The following FOXO3 variants were observed in gnomAD, a reference collection of about 807,000 sequenced individuals.
FOXO3 encodes the protein forkhead box O3.
FOXO3 carries 4 observed loss-of-function variants against 41.9 expected under a neutral mutation model. The ratio of observed to expected loss-of-function variants is 0.10; its 90% CI spans 0.05 to 0.22. The LOEUF (loss-of-function observed/expected upper bound fraction) is 0.22. FOXO3 is among the 10% of genes least tolerant of loss of function. FOXO3 has a pLI of 1.00. For missense variants in FOXO3, 534 were observed against 906.8 expected (o/e 0.59, Z 5.28); for synonymous variants, 318 against 389.3 (o/e 0.82, Z 2.16).
At chr6:108,573,442 CTG>C (rs1365130262) in intron 1 of FOXO3, among the ~76,000 whole-genome samples, 1 of 152,214 alleles carries the variant, frequency 6.6e-6, no homozygotes, top group African/African-American at 2.4e-5. Context: ...TGTGCTGACT[CTG>C]AGTAACAGCA....
intron 1 of FOXO3, among the ~76,000 whole-genome samples, chr6:108,600,546 C>CAAA (rs56888212): frequency 2.3e-4 from 11 of 47,744 alleles, no homozygotes; most frequent in African/African-American, 4.3e-4. Flanking sequence ...GTCTCCATCT[C>CAAA]AAAAAAAAAA....
chr6:108,561,807 G>A lies in FOXO3; in HGVS notation c.599G>A (p.Ser200Asn). 2 of 1,588,996 alleles carry A rather than the reference G, an allele frequency of 1.3e-6. No homozygotes were observed. Among genetic ancestry groups the A allele is most frequent in the Non-Finnish European group, 1.7e-6 (2 of 1,168,626 alleles). Residue 200 changes from serine (S) to asparagine (N), a missense_variant, in exon 1 of 3, where the codon AGC (serine) becomes AAC (asparagine). Ser to Asn is a conservative substitution (Grantham distance 46). Coordinates refer to ENST00000406360, the MANE Select transcript of FOXO3 (RefSeq NM_001455.4). The part of the protein sequence containing the change: ...CVPYFKDKGD[S>N]NSSAGWKNSI... ...CCCTACTTCAAGGATAAGGGCGACAGCAACAGCTCTGCCGGCTGGAAGGTG... is the reference window on the plus strand; with the variant it reads ...CCCTACTTCAAGGATAAGGGCGACAACAACAGCTCTGCCGGCTGGAAGGTG...
rs149778389 is a variant in FOXO3 at position 108,601,265 on chromosome 6, G to A, written c.621+39436G>A. On this transcript the variant is annotated intron_variant, in intron 1 of 2. Coordinates refer to ENST00000406360, the MANE Select transcript of FOXO3 (RefSeq NM_001455.4). ...CTGACCTTGTGATCCACCCACCTCG[G>A]CCTCCCAAGGTGTCCTAGTGCTTTT... Among the ~76,000 whole-genome samples the A allele has an allele frequency of 5.9e-3, 903 of 151,800 alleles. 3 individuals carry two copies. The highest frequency in any genetic ancestry group is 0.014 in the Middle Eastern group (4 of 294).
chr6:108,642,101 T>G (rs1778276360), intron 1 of FOXO3, among the ~76,000 whole-genome samples: 1 of 151,270 alleles, frequency 6.6e-6, no homozygotes, highest in African/African-American at 2.4e-5. Flanking sequence ...TTTTTTTTTT[T>G]TTTTTGAGAC....
At chr6:108,627,931 A>C (rs777793532) in intron 1 of FOXO3, among the ~76,000 whole-genome samples, 5 of 152,152 alleles carry the variant, frequency 3.3e-5, no homozygotes, top group Non-Finnish European at 5.9e-5. Context: ...GAATTAAATG[A>C]GTCAGTATAT....
At chr6:108,630,596 T>C (rs1480827658) in intron 1 of FOXO3, among the ~76,000 whole-genome samples, 1 of 152,166 alleles carries the variant, frequency 6.6e-6, no homozygotes, top group Admixed American at 6.6e-5. Context: ...AAGCTTTGCC[T>C]ATCCTTTTAT....
rs1472709046 is a variant in FOXO3, at chr6:108,681,991, A to T, written c.*2199A>T. ...TAGTAGCATGGGGGCTAGAGTGGGG[A>T]GCGAGATGTAAAAGGGTGGGGGGAT... On this transcript the variant is annotated 3_prime_UTR_variant, in exon 3 of 3. Transcript: ENST00000406360. 1 of 152,046 alleles carries T rather than the reference A, an allele frequency of 6.6e-6. No homozygotes were observed. The highest frequency in any genetic ancestry group is 1.9e-4 in the East Asian group (1 of 5,172). 9.4% of individuals were successfully genotyped at this position (152,046 alleles called of 1,614,324 possible).
intron 2 of FOXO3, among the ~76,000 whole-genome samples, chr6:108,667,145 T>C (rs889050255): frequency 2.6e-5 from 4 of 152,150 alleles, no homozygotes; most frequent in African/African-American, 4.8e-5. Flanking sequence ...AACTCAGATA[T>C]CTGATTTCAG....
intron 1 of FOXO3, among the ~76,000 whole-genome samples, chr6:108,643,274 C>T (rs1190976087): frequency 6.6e-6 from 1 of 152,138 alleles, no homozygotes; most frequent in African/African-American, 2.4e-5. Flanking sequence ...TGCCCATGCC[C>T]AGTTTGACCT....
intron 1 of FOXO3, among the ~76,000 whole-genome samples, chr6:108,607,463 A>AG (rs891682393): frequency 4.6e-5 from 7 of 151,846 alleles, no homozygotes; most frequent in South Asian, 2.1e-4. Context: ...AAAAAAAAAA[A>AG]AAGAAGAAGG....
At chr6:108,656,916 G>T (rs941503035) in intron 1 of FOXO3, among the ~76,000 whole-genome samples, 1 of 152,198 alleles carries the variant, frequency 6.6e-6, no homozygotes, top group African/African-American at 2.4e-5. Flanking sequence ...ATTCTGCTAG[G>T]TGCAGTCATC....
intron 1 of FOXO3, among the ~76,000 whole-genome samples, chr6:108,613,728 A>G (rs2128370177): frequency 6.6e-6 from 1 of 150,716 alleles, no homozygotes; most frequent in Non-Finnish European, 1.5e-5. Flanking sequence ...TTTTACTTCC[A>G]TTGATTTTTT....
chr6:108,672,749 C>G (rs1779251638), intron 2 of FOXO3, among the ~76,000 whole-genome samples: 1 of 152,176 alleles, frequency 6.6e-6, no homozygotes, highest in Admixed American at 6.5e-5. Flanking sequence ...CTCTTCCTCT[C>G]TCATCCTCTT....
In FOXO3 at chr6:108,680,246, T is replaced by C. The variant is rs1472407266; in HGVS notation, c.*454T>C. The stretch of plus-strand genomic sequence containing the variant: ...AACTTGCGGTATTTTTCTGTTAAAA[T>C]GTTAACCGTCCTTCCCCTAGCAAAT... On this transcript the variant is annotated 3_prime_UTR_variant, in exon 3 of 3. Coordinates refer to ENST00000406360, the MANE Select transcript of FOXO3 (RefSeq NM_001455.4). 2.6e-5 allele frequency: 4 copies of C among 152,658 alleles called. No homozygotes were observed. The highest frequency in any genetic ancestry group is 4.8e-5 in the African/African-American group (2 of 41,454). 9.5% of individuals were successfully genotyped at this position (152,658 alleles called of 1,614,324 possible).
rs1366532669 is a variant in FOXO3 at position 108,683,751 on chromosome 6, A to C, written c.*3959A>C. ...AAAAAGGAAACCCTAACAGCTCTGA[A>C]CTCTGGTTTTATTTTTCTTGCTGTA... is the stretch of plus-strand genomic sequence containing the variant. On this transcript the variant is annotated 3_prime_UTR_variant, in exon 3 of 3. Coordinates refer to ENST00000406360, the MANE Select transcript of FOXO3 (RefSeq NM_001455.4). 2 of 151,998 alleles carry C rather than the reference A, an allele frequency of 1.3e-5. No individual in the cohort carries two copies. The highest frequency in any genetic ancestry group is 4.8e-5 in the African/African-American group (2 of 41,398). 9.4% of individuals were successfully genotyped at this position (151,998 alleles called of 1,614,324 possible).
At chr6:108,607,998 T>C (rs1386087669) in intron 1 of FOXO3, among the ~76,000 whole-genome samples, 9 of 152,138 alleles carry the variant, frequency 5.9e-5, no homozygotes, top group Non-Finnish European at 1.3e-4. Flanking sequence ...ATTTGGGGAG[T>C]TGGTGGCAGG....
rs1440849712 is a variant in FOXO3, at chr6:108,681,356, G to A, written c.*1564G>A. 1 of 152,624 alleles carries A rather than the reference G, an allele frequency of 6.6e-6. No individual in the cohort carries two copies. The highest frequency in any genetic ancestry group is 1.5e-5 in the Non-Finnish European group (1 of 68,034). 9.5% of individuals were successfully genotyped at this position (152,624 alleles called of 1,614,324 possible). On this transcript the variant is annotated 3_prime_UTR_variant, in exon 3 of 3. Transcript: ENST00000406360. Reference sequence around the variant, plus strand: ...AGTACAAAAATGGAACCTTATGCATGGGCCTTAGGAATACAGGCTAGTATT... The same window carrying A: ...AGTACAAAAATGGAACCTTATGCATAGGCCTTAGGAATACAGGCTAGTATT...
intron 2 of FOXO3, among the ~76,000 whole-genome samples, chr6:108,675,373 C>T (rs916382058): frequency 6.6e-5 from 10 of 152,100 alleles, no homozygotes; most frequent in African/African-American, 9.7e-5. Flanking sequence ...GTCCTGGAGG[C>T]GAAGACTCTG....
chr6:108,593,712 C>CTTCTT (rs1776794771), intron 1 of FOXO3, among the ~76,000 whole-genome samples: 1 of 83,330 alleles, frequency 1.2e-5, no homozygotes, highest in Non-Finnish European at 2.2e-5. Context: ...TTTTCTTCTT[C>CTTCTT]TTTTTTTTTT....
Sources: allele counts gnomAD v4.1 joint callset (sites outside exome capture counted in the v4.1 genomes callset), GRCh38; gene constraint gnomAD v4.1.1; transcripts MANE v1.5; gene names NCBI Gene and HGNC (gene_info 2026-07-23, HGNC 2026-07-21).